Variants in FOXK1 observed in about 807,000 individuals in gnomAD.
FOXK1 encodes the protein forkhead box K1.
Under a neutral mutation model 51.9 loss-of-function variants are expected in FOXK1, and 19 were observed. That is an observed-to-expected ratio of 0.37 (90% CI 0.26 to 0.54). FOXK1 has a LOEUF of 0.54. Among genes scored for constraint, FOXK1 ranks in the 20% least tolerant of loss-of-function variants. The pLI is 0.87. For synonymous variants in FOXK1, 537 were observed against 482.6 expected, an observed-to-expected ratio of 1.11 and a Z score of -1.48; for missense variants, 870 against 1,032.7, an observed-to-expected ratio of 0.84 and a Z score of 2.16.
Position 4,766,354 on chromosome 7 carries a change from C to T in FOXK1, c.*3890C>T, listed in dbSNP as rs1781010558. On this transcript the variant is annotated 3_prime_UTR_variant, in exon 9 of 9. Transcript: ENST00000328914. The surrounding 1 kb of genome is among the most constrained non-coding windows in gnomAD (Gnocchi z 5.5). ...CATGTAGAGACCCTCAGGTCCCTAT[C>T]CAGAGACCCTCCAGGCAGTGCTGGG... 6.6e-6 allele frequency: 1 copy of T among 152,210 alleles called. No individual in the cohort carries two copies. Among genetic ancestry groups the T allele is most frequent in the Non-Finnish European group, 1.5e-5 (1 of 68,058 alleles). The allele number at this position is 152,210 out of a possible 1,614,324, so 9.4% of individuals were successfully genotyped here. A position where few individuals can be genotyped will look rare whatever the true frequency, so the allele number is the denominator to read the frequency against.
chr7:4,688,908 C>G (rs968906700), intron 1 of FOXK1, among the ~76,000 whole-genome samples: 1 of 152,066 alleles, frequency 6.6e-6, no homozygotes, highest in Non-Finnish European at 1.5e-5. Context: ...TCTGGGTGTC[C>G]CCCACAATTT....
At position 4,749,890 on chromosome 7, in the gene FOXK1, G is replaced by A. The variant is rs73674088; in HGVS notation, c.747-4569G>A. On this transcript the variant is annotated intron_variant, in intron 2 of 8. Transcript: ENST00000328914. This position sits in a 1 kb window ranked among gnomAD's most constrained non-coding sequence, Gnocchi z 6.0. ...ACTTCTCATCATAACGTGACCCAGCGACCTGTGTGTCCCACAGCCCGTCCG... is the reference window on the plus strand; with the variant it reads ...ACTTCTCATCATAACGTGACCCAGCAACCTGTGTGTCCCACAGCCCGTCCG... 0.092 allele frequency among the ~76,000 whole-genome samples: 14,044 copies of A among 152,184 alleles called. 2,038 individuals are homozygous for A. The highest frequency in any genetic ancestry group is 0.31 in the African/African-American group (12,915 of 41,470).
In FOXK1 at chr7:4,761,192, C is replaced by T. The variant is rs778485181; in HGVS notation, c.1825C>T (p.Pro609Ser). ...HTVTILQPAT[P>S]VTLGQHHLPV... ...GGTCACCATCCTGCAGCCCGCCACA[C>T]CCGTGACCCTCGGGCAGCACCACCT... is the stretch of plus-strand genomic sequence containing the variant. Residue 609 changes from proline to serine, a missense_variant, in exon 8 of 9, where the codon CCC becomes TCC. By Grantham distance (74) the Pro-to-Ser change is moderately conservative (BLOSUM62 -1). Transcript: ENST00000328914. This position sits in a 1 kb window ranked among gnomAD's most constrained non-coding sequence, Gnocchi z 6.2. 1 of 1,613,080 alleles carries T rather than the reference C, an allele frequency of 6.2e-7. No homozygotes were observed. Among genetic ancestry groups the T allele is most frequent in the Non-Finnish European group, 8.5e-7 (1 of 1,180,032 alleles).
At position 4,715,230 on chromosome 7, in the gene FOXK1, C is replaced by T. The variant is rs1012026509; in HGVS notation, c.561-25608C>T. Among the ~76,000 whole-genome samples the T allele has an allele frequency of 8.8e-6, 1 of 114,170 alleles. No individual in the cohort carries two copies. Among genetic ancestry groups the T allele is most frequent in the Non-Finnish European group, 1.8e-5 (1 of 56,714 alleles). The allele number at this position is 114,170 out of a possible 152,430, so 74.9% of individuals were successfully genotyped here. On this transcript the variant is annotated intron_variant, in intron 1 of 8. Coordinates refer to ENST00000328914, the MANE Select transcript of FOXK1 (RefSeq NM_001037165.2). The surrounding 1 kb of genome is among the most constrained non-coding windows in gnomAD (Gnocchi z 4.5). ...GGGCACGGTGGAACTGTGATGATAT[C>T]GGGCATGGCGAAATTGTGATACGGT...
At chr7:4,716,516 A>G (rs1042322996) in intron 1 of FOXK1, among the ~76,000 whole-genome samples, 14 of 152,142 alleles carry the variant, frequency 9.2e-5, no homozygotes, top group Non-Finnish European at 2.1e-4. Flanking sequence ...CCAAAAAAAA[A>G]GAGAAAAGAA....
In FOXK1 at chr7:4,715,769, G is replaced by A. The variant is rs765842698; in HGVS notation, c.561-25069G>A. ...GGGCACCCTGAGGTTCCCTCACAGC[G>A]AATCCACCGAAGAGCGCTCCCATCC... is the stretch of plus-strand genomic sequence containing the variant. On this transcript the variant is annotated intron_variant, in intron 1 of 8. Transcript: ENST00000328914. The surrounding 1 kb of genome is among the most constrained non-coding windows in gnomAD (Gnocchi z 4.5). Among the ~76,000 whole-genome samples, 6 of 152,142 alleles carry A rather than the reference G, an allele frequency of 3.9e-5. No homozygotes were observed. Among genetic ancestry groups the A allele is most frequent in the Non-Finnish European group, 5.9e-5 (4 of 68,044 alleles).
intron 1 of FOXK1, among the ~76,000 whole-genome samples, chr7:4,697,128 C>T (rs554199322): frequency 6.6e-6 from 1 of 152,332 alleles, no homozygotes; most frequent in South Asian, 2.1e-4. Flanking sequence ...CAGGCTGGCA[C>T]TGTCTGGAGT....
chr7:4,745,151 G>T lies in FOXK1; in HGVS notation c.746+4128G>T, dbSNP rs943676120. Among the ~76,000 whole-genome samples the T allele has an allele frequency of 2.0e-5, 3 of 152,222 alleles. No homozygotes were observed. Among genetic ancestry groups the T allele is most frequent in the African/African-American group, 7.2e-5 (3 of 41,458 alleles). On this transcript the variant is annotated intron_variant, in intron 2 of 8. Coordinates refer to ENST00000328914, the MANE Select transcript of FOXK1 (RefSeq NM_001037165.2). The surrounding 1 kb of genome is among the most constrained non-coding windows in gnomAD (Gnocchi z 4.3). Reference sequence around the variant, plus strand: ...GGGAGGTGGGAGCGGGGCCAGGCCAGAAGAGCTGGCTGCCTGCAAGGCTGT... The same window carrying T: ...GGGAGGTGGGAGCGGGGCCAGGCCATAAGAGCTGGCTGCCTGCAAGGCTGT...
At position 4,765,921 on chromosome 7, in the gene FOXK1, C is replaced by G. The variant is rs757191833; in HGVS notation, c.*3457C>G. 6.6e-6 allele frequency: 1 copy of G among 152,226 alleles called. No homozygotes were observed. The highest frequency in any genetic ancestry group is 6.5e-5 in the Admixed American group (1 of 15,288). 9.4% of individuals were successfully genotyped at this position (152,226 alleles called of 1,614,324 possible). A position where few individuals can be genotyped will look rare whatever the true frequency, so the allele number is the denominator to read the frequency against. ...CGTCCCCAGGCTGCTAGGGCAGCAG[C>G]TGGCTCAGGGCACACTCTCTCGTGC... On this transcript the variant is annotated 3_prime_UTR_variant, in exon 9 of 9. Coordinates refer to ENST00000328914, the MANE Select transcript of FOXK1 (RefSeq NM_001037165.2).
intron 1 of FOXK1, among the ~76,000 whole-genome samples, chr7:4,724,288 C>T (rs1318373396): frequency 2.0e-5 from 3 of 152,138 alleles, no homozygotes; most frequent in Non-Finnish European, 2.9e-5. Flanking sequence ...CTCCGTCTCC[C>T]GGGTTCCGGA....
intron 1 of FOXK1, among the ~76,000 whole-genome samples, chr7:4,710,493 T>A (rs1476902572): frequency 6.6e-6 from 1 of 152,206 alleles, no homozygotes; most frequent in African/African-American, 2.4e-5. Flanking sequence ...GAGAATCGCT[T>A]GAAGCCAGGA....
At position 4,745,380 on chromosome 7, in the gene FOXK1, C is replaced by G. The variant is rs897525456; in HGVS notation, c.746+4357C>G. Among the ~76,000 whole-genome samples the G allele has an allele frequency of 6.6e-6, 1 of 152,140 alleles. No individual in the cohort carries two copies. Among genetic ancestry groups the G allele is most frequent in the East Asian group, 1.9e-4 (1 of 5,188 alleles). The stretch of plus-strand genomic sequence containing the variant: ...CCTGATCAGCTGCCCCTGCCCCCGC[C>G]CCCCGCGCCACCCTGCGTCCTTCCT... On this transcript the variant is annotated intron_variant, in intron 2 of 8. Coordinates refer to ENST00000328914, the MANE Select transcript of FOXK1 (RefSeq NM_001037165.2). This position sits in a 1 kb window ranked among gnomAD's most constrained non-coding sequence, Gnocchi z 4.3.
rs111878458 is a variant in FOXK1, at chr7:4,748,472, C to T, written c.747-5987C>T. Among the ~76,000 whole-genome samples, 180 of 152,318 alleles carry T rather than the reference C, an allele frequency of 1.2e-3. 1 individual carries two copies. The highest frequency in any genetic ancestry group is 1.9e-3 in the Non-Finnish European group (127 of 68,034). The stretch of plus-strand genomic sequence containing the variant: ...GTACTTTTGGCTTATTTCCGCCACA[C>T]TCCCCCCGCTCTTGGGGTTAATAAT... On this transcript the variant is annotated intron_variant, in intron 2 of 8. Coordinates refer to ENST00000328914, the MANE Select transcript of FOXK1 (RefSeq NM_001037165.2). This position sits in a 1 kb window ranked among gnomAD's most constrained non-coding sequence, Gnocchi z 4.9.
chr7:4,702,221 C>T (rs1780029459), intron 1 of FOXK1, among the ~76,000 whole-genome samples: 1 of 152,228 alleles, frequency 6.6e-6, no homozygotes, highest in South Asian at 2.1e-4. Flanking sequence ...CCTCCACCTT[C>T]CCCTCCCGTT....
chr7:4,757,320 A>G lies in FOXK1; in HGVS notation c.1244+133A>G, dbSNP rs1044771170. The G allele has an allele frequency of 1.4e-5, 11 of 781,974 alleles. No individual in the cohort carries two copies. The South Asian group carries it at 2.0e-4, about 14-fold the overall frequency. The allele number at this position is 781,974 out of a possible 1,614,324, so 48.4% of individuals were successfully genotyped here. On this transcript the variant is annotated intron_variant, in intron 5 of 8. Transcript: ENST00000328914. ...AGTGTACGGGCATGCAACTGATCAC[A>G]GGTCAAAAATATTCCAAAAAAAAGA...
chr7:4,732,275 A>G (rs1780487882), intron 1 of FOXK1, among the ~76,000 whole-genome samples: 1 of 152,190 alleles, frequency 6.6e-6, no homozygotes, highest in African/African-American at 2.4e-5. Flanking sequence ...TGATGAGGGA[A>G]ACCAGGCCAG....
rs1416357549 is a variant in FOXK1 at position 4,770,096 on chromosome 7, C to G, written c.*7632C>G. Reference sequence around the variant, plus strand: ...GTTGGCTAAGCTGAAATGAGAGACTCTGAATTAGAGTTTTTGTTTGTTTGT... The same window carrying G: ...GTTGGCTAAGCTGAAATGAGAGACTGTGAATTAGAGTTTTTGTTTGTTTGT... On this transcript the variant is annotated 3_prime_UTR_variant, in exon 9 of 9. Transcript: ENST00000328914. 2 of 152,198 alleles carry G rather than the reference C, an allele frequency of 1.3e-5. No homozygotes were observed. Among genetic ancestry groups the G allele is most frequent in the African/African-American group, 4.8e-5 (2 of 41,418 alleles). The allele number at this position is 152,198 out of a possible 1,614,324, so 9.4% of individuals were successfully genotyped here.
chr7:4,729,980 A>T lies in FOXK1; in HGVS notation c.561-10858A>T, dbSNP rs942280748. 5.9e-5 allele frequency among the ~76,000 whole-genome samples: 9 copies of T among 151,928 alleles called. No individual in the cohort carries two copies. Among genetic ancestry groups the T allele is most frequent in the Non-Finnish European group, 8.8e-5 (6 of 67,994 alleles). ...CCTCCAGCCTGGGCGACAGAGCGAG[A>T]CTCTGTCGAAACAATTTAAATAAAA... On this transcript the variant is annotated intron_variant, in intron 1 of 8. Coordinates refer to ENST00000328914, the MANE Select transcript of FOXK1 (RefSeq NM_001037165.2). The surrounding 1 kb of genome is among the most constrained non-coding windows in gnomAD (Gnocchi z 6.2).
At chr7:4,760,589 G>A (rs986700126) in intron 7 of FOXK1, among the ~76,000 whole-genome samples, 6 of 152,190 alleles carry the variant, frequency 3.9e-5, no homozygotes, top group Non-Finnish European at 7.3e-5. Flanking sequence ...GGTGGCTCAC[G>A]CCTGTAATCC....
Sources: allele counts gnomAD v4.1 joint callset (sites outside exome capture counted in the v4.1 genomes callset), GRCh38; gene constraint gnomAD v4.1.1; non-coding constraint Gnocchi (gnomAD v3.1); transcripts MANE v1.5; gene names NCBI Gene and HGNC (gene_info 2026-07-23, HGNC 2026-07-21).